The following CACNG3 variants were observed in gnomAD, a reference collection of about 807,000 sequenced individuals.
CACNG3 encodes the protein voltage-dependent calcium channel gamma-3 subunit.
Under a neutral mutation model 28.5 loss-of-function variants are expected in CACNG3, and 3 were observed. The observed-to-expected ratio is 0.11, with a 90% confidence interval of 0.05 to 0.27. The LOEUF (loss-of-function observed/expected upper bound fraction) is 0.27, where lower values mean the gene tolerates loss of function less well. Ranked by LOEUF, CACNG3 falls within the 10% of genes least tolerant of loss-of-function variation. The pLI, the probability that CACNG3 is intolerant of heterozygous loss-of-function variation, is 1.00. For missense variants in CACNG3, 236 were observed against 414.4 expected (o/e 0.57, Z 3.74); for synonymous variants, 174 against 162.2 (o/e 1.07, Z -0.55).
At chr16:24,344,202 C>T (rs1347286208) in intron 1 of CACNG3, among the ~76,000 whole-genome samples, 1 of 152,068 alleles carries the variant, frequency 6.6e-6, no homozygotes, top group African/African-American at 2.4e-5. Flanking sequence ...GAGGCTGAGG[C>T]GGGTGGTTCA....
In CACNG3 at chr16:24,354,447, G is replaced by T. The variant is rs543672998; in HGVS notation, c.296-386G>T. 2.6e-5 allele frequency among the ~76,000 whole-genome samples: 4 copies of T among 152,160 alleles called. No individual in the cohort carries two copies. The East Asian group carries it at 7.8e-4, about 30-fold the overall frequency. ...GTCGCTGGGCTGAGGAGGGAGAATG[G>T]GCGTTTGAGAGCCTTTTCCAGGGAG... On this transcript the variant is annotated intron_variant, in intron 2 of 3. Coordinates refer to ENST00000005284, the MANE Select transcript of CACNG3 (RefSeq NM_006539.4).
chr16:24,269,688 A>G (rs1898658564), intron 1 of CACNG3, among the ~76,000 whole-genome samples: 1 of 142,832 alleles, frequency 7.0e-6, no homozygotes. Context: ...TGGAGGTTTC[A>G]GGGAGCTGAG....
chr16:24,355,053 C>A, intron 3 of CACNG3, 80 bp downstream of exon 3: 1 of 1,387,350 alleles, frequency 7.2e-7, no homozygotes, highest in Non-Finnish European at 1.0e-6. Flanking sequence ...CAATGCTACT[C>A]AGGGCTCCCT....
intron 1 of CACNG3, among the ~76,000 whole-genome samples, chr16:24,278,731 T>C (rs1898783317): frequency 6.6e-6 from 1 of 152,242 alleles, no homozygotes; most frequent in East Asian, 1.9e-4. Context: ...CAACCCTTCA[T>C]ATCTCCATTT....
intron 1 of CACNG3, among the ~76,000 whole-genome samples, chr16:24,289,299 CAAAAGAAAAAAAA>C (rs1898934689): frequency 3.8e-5 from 5 of 130,178 alleles, no homozygotes; most frequent in Admixed American, 3.2e-4. Context: ...CAAGAATCTG[CAAAAGAAAAAAAA>C]AAAAGAAAAA....
chr16:24,314,733 GCCT>G (rs140787661), intron 1 of CACNG3, among the ~76,000 whole-genome samples: 1,249 of 119,026 alleles, frequency 0.01, 30 homozygotes, highest in Middle Eastern at 0.035. Context: ...TAGGACTCTC[GCCT>G]CCTCCTCCTC....
intron 1 of CACNG3, among the ~76,000 whole-genome samples, chr16:24,299,938 GCACACA>G (rs71943943): frequency 7.5e-5 from 11 of 147,348 alleles, no homozygotes; most frequent in African/African-American, 2.5e-4. Context: ...ACATGCACAC[GCACACA>G]CACACACACA....
chr16:24,312,966 A>AG (rs1555460249), intron 1 of CACNG3, among the ~76,000 whole-genome samples: 43 of 99,140 alleles, frequency 4.3e-4, no homozygotes, highest in African/African-American at 1.2e-3. Flanking sequence ...AGAAAGAAAG[A>AG]AAAGAAAGAA....
chr16:24,287,213 CATG>C (rs1295371845), intron 1 of CACNG3, among the ~76,000 whole-genome samples: 2 of 152,134 alleles, frequency 1.3e-5, no homozygotes, highest in Non-Finnish European at 2.9e-5. Context: ...AACAGGTACG[CATG>C]ATTAAAAGTG....
rs112416319 is a variant in CACNG3, at chr16:24,307,954, G to A, written c.212-38780G>A. On this transcript the variant is annotated intron_variant, in intron 1 of 3. Coordinates refer to ENST00000005284, the MANE Select transcript of CACNG3 (RefSeq NM_006539.4). The stretch of plus-strand genomic sequence containing the variant: ...GGTCATTGTCCCTCCAGCAGCCCAG[G>A]GCTTGCAATAGAAGCATCTCTCTTT... 4.2e-3 allele frequency among the ~76,000 whole-genome samples: 644 copies of A among 152,222 alleles called. 5 individuals are homozygous for A. Among genetic ancestry groups the A allele is most frequent in the Middle Eastern group, 0.017 (5 of 294 alleles).
intron 1 of CACNG3, among the ~76,000 whole-genome samples, chr16:24,288,151 G>A (rs768641714): frequency 6.6e-6 from 1 of 152,138 alleles, no homozygotes; most frequent in African/African-American, 2.4e-5. Flanking sequence ...GCAGCATCAG[G>A]ATAACTTTGC....
Position 24,256,472 on chromosome 16 carries a change from T to G in CACNG3, c.-283T>G, listed in dbSNP as rs1473413693. On this transcript the variant is annotated 5_prime_UTR_variant, in exon 1 of 4. Coordinates refer to ENST00000005284, the MANE Select transcript of CACNG3 (RefSeq NM_006539.4). The surrounding 1 kb of genome is among the most constrained non-coding windows in gnomAD (Gnocchi z 4.6). ...GCACGGACCCTCGTCTTTACCACGC[T>G]CCTGAGGAATGAAAGGAACCCAGGG... is the stretch of plus-strand genomic sequence containing the variant. The G allele has an allele frequency of 2.4e-6, 1 of 424,586 alleles. No individual in the cohort carries two copies. Among genetic ancestry groups the G allele is most frequent in the African/African-American group, 2.0e-5 (1 of 49,954 alleles). The allele number at this position is 424,586 out of a possible 1,614,324, so 26.3% of individuals were successfully genotyped here.
Position 24,354,331 on chromosome 16 carries a change from A to G in CACNG3, c.296-502A>G, listed in dbSNP as rs1007968072. Among the ~76,000 whole-genome samples, 9 of 152,188 alleles carry G rather than the reference A, an allele frequency of 5.9e-5. No individual in the cohort carries two copies. In the East Asian group the frequency reaches 7.7e-4, roughly 13 times the overall value. ...GCAGGGACATTCTCCCAGTGAGCGC[A>G]AACCCTCCCAGGGACCTGAGGCTTG... On this transcript the variant is annotated intron_variant, in intron 2 of 3. Transcript: ENST00000005284.
intron 1 of CACNG3, among the ~76,000 whole-genome samples, chr16:24,343,121 G>A (rs967546304): frequency 6.6e-5 from 10 of 152,040 alleles, no homozygotes; most frequent in South Asian, 2.1e-4. Flanking sequence ...CTGGGGAGGC[G>A]GAGGTTGCAG....
intron 1 of CACNG3, among the ~76,000 whole-genome samples, chr16:24,311,194 TTA>T (rs1373930727): frequency 6.6e-6 from 1 of 152,204 alleles, no homozygotes; most frequent in East Asian, 1.9e-4. Context: ...CATGGGGTTA[TTA>T]TGAGTTAGTG....
chr16:24,301,836 T>G (rs1218299065), intron 1 of CACNG3, among the ~76,000 whole-genome samples: 4 of 152,186 alleles, frequency 2.6e-5, no homozygotes, highest in Middle Eastern at 3.2e-3. Flanking sequence ...TTAAAGATCA[T>G]TTTCTTACAG....
chr16:24,345,624 C>T (rs1446326540), intron 1 of CACNG3, among the ~76,000 whole-genome samples: 11 of 152,216 alleles, frequency 7.2e-5, no homozygotes, highest in Admixed American at 2.0e-4. Flanking sequence ...CTCTTGAACC[C>T]GGGAGGCAGA....
intron 1 of CACNG3, among the ~76,000 whole-genome samples, chr16:24,280,821 C>CAAAAAAAA (rs71154295): frequency 0.035 from 1,930 of 55,588 alleles, 312 homozygotes; most frequent in Non-Finnish European, 0.043. Context: ...GAGTTTGTCT[C>CAAAAAAAA]AAAAAAAAAA....
intron 1 of CACNG3, among the ~76,000 whole-genome samples, chr16:24,292,286 T>C (rs1898977705): frequency 6.6e-6 from 1 of 152,164 alleles, no homozygotes; most frequent in Non-Finnish European, 1.5e-5. Context: ...CTGTGTTGAG[T>C]GCAGTCTGTC....
Sources: gnomAD v4.1 joint callset for allele counts (sites outside exome capture counted in the v4.1 genomes callset) on GRCh38, gnomAD v4.1.1 for gene constraint, Gnocchi (gnomAD v3.1) non-coding constraint, MANE v1.5 for transcripts, NCBI Gene and HGNC (gene_info 2026-07-23, HGNC 2026-07-21) for gene names.